The following DAB1 variants were observed in gnomAD, a reference collection of about 807,000 sequenced individuals.
The protein encoded by DAB1 is disabled homolog 1.
A neutral mutation model predicts 64.6 loss-of-function variants in DAB1; 15 were observed. The observed-to-expected ratio is 0.23, with a 90% CI of 0.16 to 0.36. The LOEUF (loss-of-function observed/expected upper bound fraction) is 0.36. DAB1 is among the 10% of genes least tolerant of loss of function. DAB1 has a pLI of 1.00. For synonymous variants in DAB1, 235 were observed against 251.9 expected (o/e 0.93, Z 0.64); for missense variants, 596 against 706.7 (o/e 0.84, Z 1.78).
chr1:57,659,571 C>T (rs1321767472), intron 6 of DAB1, among the ~76,000 whole-genome samples: 1 of 152,090 alleles, frequency 6.6e-6, no homozygotes, highest in Admixed American at 6.5e-5. Context: ...AAGTCACTTT[C>T]CTCCCCTTCC....
intron 5 of DAB1, among the ~76,000 whole-genome samples, chr1:58,005,702 A>C (rs2100416286): frequency 6.6e-6 from 1 of 152,078 alleles, no homozygotes; most frequent in Middle Eastern, 3.4e-3. Flanking sequence ...TTGATCCTTC[A>C]GGTCACAGGA....
chr1:57,995,083 CT>C (rs1299991626), intron 5 of DAB1, among the ~76,000 whole-genome samples: 2 of 152,138 alleles, frequency 1.3e-5, no homozygotes, highest in Non-Finnish European at 2.9e-5. Context: ...GTTACCACCC[CT>C]CTCTGGGCCT....
At chr1:57,049,949 T>C (rs909626048) in intron 9 of DAB1, among the ~76,000 whole-genome samples, 45 of 152,266 alleles carry the variant, frequency 3.0e-4, no homozygotes, top group African/African-American at 1.1e-3. Context: ...TGCAGGGGTT[T>C]AGCTTCCACC....
chr1:57,349,797 T>C (rs1429776202), intron 1 of DAB1, among the ~76,000 whole-genome samples: 1 of 152,160 alleles, frequency 6.6e-6, no homozygotes, highest in Non-Finnish European at 1.5e-5. Flanking sequence ...CTAATTATAC[T>C]CATTGGCAGT....
intron 5 of DAB1, among the ~76,000 whole-genome samples, chr1:58,017,296 C>T (rs1646754936): frequency 6.6e-6 from 1 of 152,156 alleles, no homozygotes; most frequent in Non-Finnish European, 1.5e-5. Flanking sequence ...GCTATTAAAA[C>T]ATCTCATGTT....
chr1:58,268,267 T>G (rs1239503219), intron 4 of DAB1, among the ~76,000 whole-genome samples: 1 of 152,116 alleles, frequency 6.6e-6, no homozygotes, highest in Non-Finnish European at 1.5e-5. Context: ...AAAATACATA[T>G]GAGAGCCAGA....
intron 5 of DAB1, among the ~76,000 whole-genome samples, chr1:58,005,689 T>G (rs977794583): frequency 6.6e-6 from 1 of 152,024 alleles, no homozygotes; most frequent in Admixed American, 6.6e-5. Context: ...AGCAAGATCT[T>G]TTTTGATCCT....
At chr1:58,267,567 T>C (rs563075051) in intron 4 of DAB1, among the ~76,000 whole-genome samples, 3 of 152,242 alleles carry the variant, frequency 2.0e-5, no homozygotes, top group East Asian at 3.9e-4. Flanking sequence ...TCTCCTACTG[T>C]GATAGAGGAG....
chr1:58,476,489 G>A (rs1194894131), intron 3 of DAB1, among the ~76,000 whole-genome samples: 2 of 152,190 alleles, frequency 1.3e-5, no homozygotes, highest in South Asian at 4.1e-4. Flanking sequence ...TGTAAAAGGA[G>A]GTCTGGGTGA....
rs1458153746 is a variant in DAB1 at position 57,069,450 on chromosome 1, A to C, written c.598-25T>G. ...ACTATTACAGGAGCAGCCAGAAAGGAAAGGTCAGAGGTGAAAAAGAAGAAA... is the reference window on the plus strand; with the variant it reads ...ACTATTACAGGAGCAGCCAGAAAGGCAAGGTCAGAGGTGAAAAAGAAGAAA... On this transcript the variant is annotated intron_variant, in intron 7 of 14. Transcript: ENST00000371236. 6 of 1,599,334 alleles carry C rather than the reference A, an allele frequency of 3.8e-6. No individual in the cohort carries two copies. The African/African-American group carries it at 8.0e-5, about 21-fold the overall frequency.
chr1:57,808,356 T>C (rs1173306604), intron 6 of DAB1, among the ~76,000 whole-genome samples: 1 of 152,146 alleles, frequency 6.6e-6, no homozygotes, highest in African/African-American at 2.4e-5. Context: ...CCTGAGCTTG[T>C]CAGAGCACTC....
In DAB1 at chr1:57,185,806, GC is replaced by G. The variant is rs1325123682; in HGVS notation, c.68-40378del. ...GAGGTAAGTTTTCCAGTGTCTGACAGCTAGGAAGTACCAGGACACTGTATCT... is the reference window on the plus strand; with the variant it reads ...GAGGTAAGTTTTCCAGTGTCTGACAGTAGGAAGTACCAGGACACTGTATCT... On this transcript the variant is annotated intron_variant, in intron 2 of 14. Coordinates refer to ENST00000371236, the MANE Select transcript of DAB1 (RefSeq NM_001365792.1). Among the ~76,000 whole-genome samples the G allele has an allele frequency of 2.0e-5, 3 of 152,098 alleles. No individual in the cohort carries two copies. The East Asian group carries it at 5.8e-4, about 29-fold the overall frequency.
intron 2 of DAB1, among the ~76,000 whole-genome samples, chr1:57,258,211 A>T (rs997976862): frequency 2.6e-5 from 4 of 152,194 alleles, no homozygotes; most frequent in Non-Finnish European, 4.4e-5. Flanking sequence ...TCTTCAAAGC[A>T]GTAGGGACGC....
intron 1 of DAB1, among the ~76,000 whole-genome samples, chr1:57,376,340 G>C (rs1013751620): frequency 6.6e-6 from 1 of 152,220 alleles, no homozygotes; most frequent in Non-Finnish European, 1.5e-5. Flanking sequence ...CTTGCACACT[G>C]CTGGGAACTG....
At chr1:57,509,899 C>T (rs1401958909) in intron 7 of DAB1, among the ~76,000 whole-genome samples, 1 of 152,200 alleles carries the variant, frequency 6.6e-6, no homozygotes, top group East Asian at 1.9e-4. Flanking sequence ...CACATTAACT[C>T]CACCTATGCT....
intron 5 of DAB1, among the ~76,000 whole-genome samples, chr1:58,062,853 T>C (rs1405350578): frequency 2.0e-5 from 3 of 152,120 alleles, no homozygotes; most frequent in South Asian, 4.1e-4. Flanking sequence ...TTGCAAGAAA[T>C]GTCAAGAAAG....
intron 5 of DAB1, among the ~76,000 whole-genome samples, chr1:58,078,484 A>G (rs1046210342): frequency 6.6e-6 from 1 of 152,224 alleles, no homozygotes; most frequent in Non-Finnish European, 1.5e-5. Context: ...GTTTCCAAGA[A>G]GGAAGTTAAA....
intron 7 of DAB1, among the ~76,000 whole-genome samples, chr1:57,584,192 T>C (rs1645350600): frequency 6.6e-6 from 1 of 152,208 alleles, no homozygotes; most frequent in South Asian, 2.1e-4. Flanking sequence ...AATCCAGCCA[T>C]TCTGTACCTC....
chr1:58,372,341 T>C (rs1452023752), intron 3 of DAB1, among the ~76,000 whole-genome samples: 1 of 152,178 alleles, frequency 6.6e-6, no homozygotes, highest in African/African-American at 2.4e-5. Context: ...TGTGGCCCCT[T>C]TGTTTTGGCC....
Sources: allele counts gnomAD v4.1 joint callset (sites outside exome capture counted in the v4.1 genomes callset), GRCh38; gene constraint gnomAD v4.1.1; transcripts MANE v1.5; gene names NCBI Gene and HGNC (gene_info 2026-07-23, HGNC 2026-07-21).